WDFY3: variants seen among roughly 807,000 people sequenced by gnomAD.
The protein encoded by WDFY3 is WD repeat and FYVE domain-containing protein 3.
Under a neutral mutation model 409.6 loss-of-function variants are expected in WDFY3, and 66 were observed. That is an observed-to-expected ratio of 0.16 (90% CI 0.13 to 0.20). The LOEUF is 0.20. Among genes scored for constraint, WDFY3 ranks in the 10% least tolerant of loss-of-function variants. The pLI is 1.00. For missense variants in WDFY3, 3,031 were observed against 4,298.1 expected, an observed-to-expected ratio of 0.71 and a Z score of 8.24; for synonymous variants, 1,521 against 1,537.1, an observed-to-expected ratio of 0.99 and a Z score of 0.25.
rs878909603 is a variant in WDFY3 at position 84,741,985 on chromosome 4, C to CA, written c.6074-65dup. The CA allele has an allele frequency of 6.5e-3, 8,075 of 1,240,710 alleles. 1 individual carries two copies. Among genetic ancestry groups the CA allele is most frequent in the South Asian group, 0.012 (660 of 53,768 alleles). The allele number at this position is 1,240,710 out of a possible 1,614,324, so 76.9% of individuals were successfully genotyped here. A position where few individuals can be genotyped will look rare whatever the true frequency, so the allele number is the denominator to read the frequency against. On this transcript the variant is annotated intron_variant, in intron 37 of 67. Transcript: ENST00000295888. The stretch of plus-strand genomic sequence containing the variant: ...ATCTACCAACACAGGACCAGATCCT[C>CA]AAAAAAAAAATCAGGCTAAGGTAAA...
At position 84,803,377 on chromosome 4, in the gene WDFY3, C is replaced by G; in HGVS notation, c.2520G>C (p.Gln840His). The change falls in exon 16 of 68, where the codon CAG (glutamine) becomes CAC (histidine). Residue 840 changes from glutamine to histidine, a missense_variant. Gln to His is a conservative substitution (Grantham distance 24). Coordinates refer to ENST00000295888, the MANE Select transcript of WDFY3 (RefSeq NM_014991.6). ...LKLHVTTSSLQSSDAVIIHPG... is the reference protein window; with the variant it reads ...LKLHVTTSSLHSSDAVIIHPG... The stretch of plus-strand genomic sequence containing the variant: ...GATGAATGATGACTGCATCAGAACT[C>G]TGCAGAGATGAAGTTGTCACATGTA... 6.2e-7 allele frequency: 1 copy of G among 1,614,122 alleles called. No individual in the cohort carries two copies. The highest frequency in any genetic ancestry group is 8.5e-7 in the Non-Finnish European group (1 of 1,180,016).
At chr4:84,720,892 C>T (rs1734759977) in intron 47 of WDFY3, among the ~76,000 whole-genome samples, 1 of 152,088 alleles carries the variant, frequency 6.6e-6, no homozygotes, top group South Asian at 2.1e-4. Flanking sequence ...GGGGCTCAGG[C>T]TACAAGACAG....
At chr4:84,857,990 T>C (rs1760011546) in intron 4 of WDFY3, among the ~76,000 whole-genome samples, 1 of 152,202 alleles carries the variant, frequency 6.6e-6, no homozygotes, top group Non-Finnish European at 1.5e-5. Context: ...AGTATAAATT[T>C]ATCATCTCCA....
intron 6 of WDFY3, among the ~76,000 whole-genome samples, chr4:84,837,845 G>A (rs1210177328): frequency 6.6e-6 from 1 of 152,182 alleles, no homozygotes; most frequent in African/African-American, 2.4e-5. Flanking sequence ...TTTATTGAGT[G>A]TCCAGGGAAT....
intron 10 of WDFY3, 34 bp downstream of exon 10, chr4:84,826,781 C>T: frequency 6.5e-7 from 1 of 1,533,826 alleles, no homozygotes; most frequent in African/African-American, 1.4e-5. Flanking sequence ...CTCTATTTCT[C>T]TCAGTAGCAC....
intron 21 of WDFY3, among the ~76,000 whole-genome samples, chr4:84,791,326 C>G (rs1490483665): frequency 3.9e-5 from 6 of 152,086 alleles, no homozygotes; most frequent in African/African-American, 1.4e-4. Context: ...CGTGACTCCA[C>G]TTATATGAGG....
intron 2 of WDFY3, among the ~76,000 whole-genome samples, chr4:84,916,506 G>C (rs1174475588): frequency 1.3e-5 from 2 of 152,166 alleles, no homozygotes; most frequent in Non-Finnish European, 2.9e-5. Flanking sequence ...TCTCGCATAT[G>C]ATTACCAGCA....
rs1303037485 is a variant in WDFY3, at chr4:84,947,895, T to A, written c.-225-15532A>T. Reference sequence around the variant, plus strand: ...AGTGAGACCCTGTCTCAAAAGTAAATAAATAAATAAATAAATAAAATTCCT... The same window carrying A: ...AGTGAGACCCTGTCTCAAAAGTAAAAAAATAAATAAATAAATAAAATTCCT... On this transcript the variant is annotated intron_variant, in intron 1 of 67. Coordinates refer to ENST00000295888, the MANE Select transcript of WDFY3 (RefSeq NM_014991.6). 4.1e-5 allele frequency among the ~76,000 whole-genome samples: 6 copies of A among 147,674 alleles called. No individual in the cohort carries two copies. The East Asian group carries it at 1.2e-3, about 29-fold the overall frequency.
chr4:84,736,349 T>A lies in WDFY3; in HGVS notation c.6758-22A>T, dbSNP rs201399170. ...TGGGCTATTAAAAAATCAAATTAGA[T>A]TATTTTATAATTTCTCCATGTATTT... On this transcript the variant is annotated intron_variant, in intron 41 of 67. Transcript: ENST00000295888. 3.8e-4 allele frequency: 602 copies of A among 1,565,842 alleles called. 1 individual carries two copies. Among genetic ancestry groups the A allele is most frequent in the Non-Finnish European group, 4.9e-4 (567 of 1,159,444 alleles).
intron 49 of WDFY3, 71 bp downstream of exon 49, chr4:84,716,820 AAAAAT>A (rs1012487182): frequency 4.8e-5 from 60 of 1,240,542 alleles, no homozygotes; most frequent in African/African-American, 6.4e-5. Flanking sequence ...ATAAAAAATA[AAAAAT>A]AAAATAAAAT....
At chr4:84,843,788 T>C (rs1757708877) in intron 5 of WDFY3, among the ~76,000 whole-genome samples, 1 of 152,142 alleles carries the variant, frequency 6.6e-6, no homozygotes, top group Non-Finnish European at 1.5e-5. Context: ...TTATGTATAC[T>C]AGCAAGGAAT....
intron 1 of WDFY3, among the ~76,000 whole-genome samples, chr4:84,934,641 C>A (rs1466149522): frequency 6.6e-6 from 1 of 152,054 alleles, no homozygotes; most frequent in East Asian, 1.9e-4. Flanking sequence ...CAGATTATAG[C>A]TTATCTTTTA....
intron 10 of WDFY3, among the ~76,000 whole-genome samples, chr4:84,824,115 T>C (rs114198368): frequency 6.6e-6 from 1 of 152,228 alleles, no homozygotes; most frequent in Non-Finnish European, 1.5e-5. Context: ...TGCAATAACA[T>C]AGGTGATTCT....
intron 32 of WDFY3, among the ~76,000 whole-genome samples, chr4:84,761,159 T>C (rs1474981925): frequency 2.0e-5 from 3 of 152,036 alleles, no homozygotes; most frequent in Admixed American, 2.0e-4. Context: ...GATTGCACTG[T>C]GGTCTGAGAG....
intron 6 of WDFY3, among the ~76,000 whole-genome samples, chr4:84,840,213 G>T (rs1320177226): frequency 6.6e-6 from 1 of 151,978 alleles, no homozygotes; most frequent in Non-Finnish European, 1.5e-5. Flanking sequence ...CCAAAAATCA[G>T]GTATCCAAAT....
At chr4:84,731,175 T>G (rs1253719187) in intron 44 of WDFY3, among the ~76,000 whole-genome samples, 1 of 152,226 alleles carries the variant, frequency 6.6e-6, no homozygotes, top group Admixed American at 6.5e-5. Flanking sequence ...ATATGTGACC[T>G]GTGGGCCTCG....
At chr4:84,722,401 A>G (rs879938327) in intron 46 of WDFY3, among the ~76,000 whole-genome samples, 10 of 152,170 alleles carry the variant, frequency 6.6e-5, no homozygotes, top group Non-Finnish European at 1.3e-4. Context: ...AAAGTAAAAA[A>G]TAAACATGAT....
chr4:84,670,559 G>A lies in WDFY3; in HGVS notation c.*2309C>T, dbSNP rs1002129264. 1 of 152,652 alleles carries A rather than the reference G, an allele frequency of 6.6e-6. No individual in the cohort carries two copies. Among genetic ancestry groups the A allele is most frequent in the Non-Finnish European group, 1.5e-5 (1 of 68,050 alleles). 9.5% of individuals were successfully genotyped at this position (152,652 alleles called of 1,614,324 possible). On this transcript the variant is annotated 3_prime_UTR_variant, in exon 68 of 68. Coordinates refer to ENST00000295888, the MANE Select transcript of WDFY3 (RefSeq NM_014991.6). Reference sequence around the variant, plus strand: ...TTATGGAAGTTCTGTTAGAAAGTTAGTAATGGAAGTTGTGTCGGAAAGTTT... The same window carrying A: ...TTATGGAAGTTCTGTTAGAAAGTTAATAATGGAAGTTGTGTCGGAAAGTTT...
intron 9 of WDFY3, 126 bp from the exon 10 acceptor site, chr4:84,827,107 G>A: frequency 1.1e-6 from 1 of 898,604 alleles, no homozygotes; most frequent in Non-Finnish European, 1.6e-6. Context: ...AGTACTGAAA[G>A]AACACTGGGG....
Sources: gnomAD v4.1 joint callset for allele counts (sites outside exome capture counted in the v4.1 genomes callset) on GRCh38, gnomAD v4.1.1 for gene constraint, MANE v1.5 for transcripts, NCBI Gene and HGNC (gene_info 2026-07-23, HGNC 2026-07-21) for gene names.